The following AKAIN1 variants were observed in gnomAD, a reference collection of about 807,000 sequenced individuals.
AKAIN1 encodes the protein A-kinase anchor inhibitor 1, also known as A-kinase anchor protein inhibitor 1.
AKAIN1 carries 3 observed loss-of-function variants against 3.7 expected under a neutral mutation model. The observed-to-expected ratio is 0.82, with a 90% CI of 0.37 to 2.12. AKAIN1 has a LOEUF of 2.12. Ranked by LOEUF, AKAIN1 falls within the 30% of genes most tolerant of loss-of-function variation. The pLI is 0.06. For synonymous variants in AKAIN1, 31 were observed against 30.8 expected, an observed-to-expected ratio of 1.01 and a Z score of -0.02; for missense variants, 82 against 82.7, an observed-to-expected ratio of 0.99 and a Z score of 0.03.
At chr18:5,187,509 A>G (rs1342606597) in intron 1 of AKAIN1, among the ~76,000 whole-genome samples, 2 of 152,182 alleles carry the variant, frequency 1.3e-5, no homozygotes, top group Non-Finnish European at 2.9e-5. Flanking sequence ...GGAAGGCAGA[A>G]GCACATATAT....
chr18:5,197,349 A>G, upstream of AKAIN1: 14 of 1,277,384 alleles, frequency 1.1e-5, no homozygotes, highest in Non-Finnish European at 1.3e-5. The surrounding 1 kb of genome is among the most constrained non-coding windows in gnomAD (Gnocchi z 6.9). Flanking sequence ...ACTGCTGCTT[A>G]GGGAGCAAAG....
chr18:5,155,663 A>T (rs1252297313), intron 1 of AKAIN1, among the ~76,000 whole-genome samples: 2 of 152,250 alleles, frequency 1.3e-5, no homozygotes, highest in African/African-American at 4.8e-5. Flanking sequence ...CCACCAAACC[A>T]CCAGGCTGGC....
chr18:5,147,492 CT>C (rs1452723412), intron 1 of AKAIN1, among the ~76,000 whole-genome samples: 3 of 152,074 alleles, frequency 2.0e-5, no homozygotes, highest in Non-Finnish European at 4.4e-5. Context: ...TTAAAATAAT[CT>C]TTTTGGATAT....
At chr18:5,195,484 T>C (rs989915997) in intron 1 of AKAIN1, among the ~76,000 whole-genome samples, 2 of 152,176 alleles carry the variant, frequency 1.3e-5, no homozygotes, top group African/African-American at 4.8e-5. Flanking sequence ...AGTCTCTGGC[T>C]ACATCTGACC....
intron 1 of AKAIN1, among the ~76,000 whole-genome samples, chr18:5,195,170 G>A (rs927066403): frequency 3.3e-5 from 5 of 151,876 alleles, no homozygotes; most frequent in African/African-American, 1.2e-4. Context: ...TTCCCCAGAC[G>A]TTTCTGTATC....
chr18:5,196,255 T>C (rs1345225767), intron 1 of AKAIN1, among the ~76,000 whole-genome samples: 1 of 152,162 alleles, frequency 6.6e-6, no homozygotes, highest in Admixed American at 6.5e-5. Flanking sequence ...CGTCGGACGT[T>C]CACAACGACC....
At chr18:5,180,533 T>C (rs1309849519) in intron 1 of AKAIN1, among the ~76,000 whole-genome samples, 1 of 152,150 alleles carries the variant, frequency 6.6e-6, no homozygotes, top group Admixed American at 6.6e-5. Context: ...AAGAGAAGCC[T>C]TACATGTTGT....
intron 1 of AKAIN1, among the ~76,000 whole-genome samples, chr18:5,146,720 C>T (rs1210338681): frequency 6.6e-6 from 1 of 152,218 alleles, no homozygotes; most frequent in East Asian, 1.9e-4. Context: ...AGATAGGAGA[C>T]AGTCTAAGTT....
At chr18:5,191,032 C>T (rs1567880629) in intron 1 of AKAIN1, among the ~76,000 whole-genome samples, 1 of 152,040 alleles carries the variant, frequency 6.6e-6, no homozygotes, top group Non-Finnish European at 1.5e-5. Context: ...ACTTCTCTAA[C>T]CTAATAAAAA....
chr18:5,146,380 G>A (rs377164495), intron 1 of AKAIN1, among the ~76,000 whole-genome samples: 4 of 152,334 alleles, frequency 2.6e-5, no homozygotes, highest in African/African-American at 9.6e-5. Context: ...CTGAACATCT[G>A]TACCAGCCCT....
At chr18:5,155,446 C>T (rs1020591018) in intron 1 of AKAIN1, among the ~76,000 whole-genome samples, 3 of 152,176 alleles carry the variant, frequency 2.0e-5, no homozygotes, top group Admixed American at 1.3e-4. Flanking sequence ...GTATATCTGG[C>T]CTGCTCAGCC....
intron 1 of AKAIN1, among the ~76,000 whole-genome samples, chr18:5,152,853 A>T (rs1214750070): frequency 6.6e-6 from 1 of 152,060 alleles, no homozygotes; most frequent in Admixed American, 6.5e-5. Flanking sequence ...GAGACGGGCG[A>T]TGGCGCTGAA....
intron 1 of AKAIN1, 58 bp from the exon 2 acceptor site, chr18:5,145,813 G>A: frequency 9.8e-6 from 14 of 1,426,552 alleles, no homozygotes; most frequent in Non-Finnish European, 1.3e-5. Flanking sequence ...AGGAATGTGA[G>A]AGGGAAAGGT....
At chr18:5,171,244 T>C (rs950308667) in intron 1 of AKAIN1, among the ~76,000 whole-genome samples, 2 of 152,136 alleles carry the variant, frequency 1.3e-5, no homozygotes, top group African/African-American at 4.8e-5. Flanking sequence ...TTCCATTTAA[T>C]AAGTAATTAT....
At chr18:5,155,651 A>G (rs1406127267) in intron 1 of AKAIN1, among the ~76,000 whole-genome samples, 1 of 152,188 alleles carries the variant, frequency 6.6e-6, no homozygotes, top group African/African-American at 2.4e-5. Flanking sequence ...AGCAATCCAG[A>G]GCCACCAAAC....
intron 1 of AKAIN1, among the ~76,000 whole-genome samples, chr18:5,178,342 C>T (rs568471209): frequency 1.5e-4 from 23 of 152,100 alleles, no homozygotes; most frequent in African/African-American, 5.1e-4. Context: ...GAGCCCAATA[C>T]CAGCTTGGGC....
At chr18:5,196,237 A>G (rs2071346907) in intron 1 of AKAIN1, among the ~76,000 whole-genome samples, 2 of 152,210 alleles carry the variant, frequency 1.3e-5, no homozygotes, top group South Asian at 4.1e-4. Flanking sequence ...ATCTACCCCT[A>G]GAGACAGCGT....
intron 1 of AKAIN1, among the ~76,000 whole-genome samples, chr18:5,179,769 TC>T (rs1435185372): frequency 1.3e-5 from 2 of 152,128 alleles, no homozygotes; most frequent in African/African-American, 4.8e-5. Context: ...ATACATCTGC[TC>T]CCCTTAGAAA....
chr18:5,150,242 C>G (rs1320427763), intron 1 of AKAIN1, among the ~76,000 whole-genome samples: 1 of 152,200 alleles, frequency 6.6e-6, no homozygotes, highest in African/African-American at 2.4e-5. Flanking sequence ...CTGATGGAGT[C>G]TCTTATAATA....
Sources: allele counts gnomAD v4.1 joint callset (sites outside exome capture counted in the v4.1 genomes callset), GRCh38; gene constraint gnomAD v4.1.1; non-coding constraint Gnocchi (gnomAD v3.1); transcripts MANE v1.5; gene names NCBI Gene and HGNC (gene_info 2026-07-23, HGNC 2026-07-21).